Variants in FUT8 observed in about 807,000 individuals in gnomAD.
FUT8 encodes fucosyltransferase 8.
Under a neutral mutation model 71.3 loss-of-function variants are expected in FUT8, and 29 were observed. That is an observed-to-expected ratio of 0.41 (90% CI 0.30 to 0.55). The LOEUF is 0.55. FUT8 is among the 20% of genes least tolerant of loss of function. The pLI, the probability that FUT8 is intolerant of heterozygous loss-of-function variation, is 0.34. For missense variants in FUT8, 544 were observed against 702.1 expected (o/e 0.77, Z 2.55); for synonymous variants, 254 against 239.3 (o/e 1.06, Z -0.57).
At chr14:65,454,850 T>A (rs755555679) in intron 1 of FUT8, among the ~76,000 whole-genome samples, 14 of 152,186 alleles carry the variant, frequency 9.2e-5, no homozygotes, top group Non-Finnish European at 1.6e-4. Flanking sequence ...GATTACTGTG[T>A]GCCAAACATG....
intron 9 of FUT8, among the ~76,000 whole-genome samples, chr14:65,727,552 T>G (rs751483291): frequency 1.3e-5 from 2 of 152,138 alleles, no homozygotes; most frequent in Non-Finnish European, 2.9e-5. Context: ...GTCCCTAGAC[T>G]GAACACAGCA....
chr14:65,704,196 C>T (rs1894448859), intron 7 of FUT8, among the ~76,000 whole-genome samples: 1 of 152,136 alleles, frequency 6.6e-6, no homozygotes, highest in Admixed American at 6.6e-5. Context: ...GTAAAATTCA[C>T]CCAGAGCAAA....
chr14:65,672,905 C>G (rs559796232), intron 7 of FUT8, among the ~76,000 whole-genome samples: 1 of 152,158 alleles, frequency 6.6e-6, no homozygotes, highest in Non-Finnish European at 1.5e-5. Context: ...AAATTCAGTT[C>G]CCCACTTCAA....
At chr14:65,423,680 A>G (rs2065336780) in intron 1 of FUT8, among the ~76,000 whole-genome samples, 1 of 152,194 alleles carries the variant, frequency 6.6e-6, no homozygotes, top group Non-Finnish European at 1.5e-5. Flanking sequence ...AAAATTATCA[A>G]GCCATCCGTG....
In FUT8 at chr14:65,430,785, G is replaced by A. The variant is rs536358403; in HGVS notation, c.-326+17571G>A. The stretch of plus-strand genomic sequence containing the variant: ...GGTAATTTACAATGGAAAAGTAGAC[G>A]TACAGAACATCATTAGATGGGATAT... On this transcript the variant is annotated intron_variant, in intron 1 of 10. Coordinates refer to ENST00000673929, the MANE Select transcript of FUT8 (RefSeq NM_001371533.1). Among the ~76,000 whole-genome samples the A allele has an allele frequency of 5.5e-4, 84 of 152,142 alleles. 3 individuals carry two copies. In the South Asian group the frequency reaches 0.017, roughly 30 times the overall value.
At chr14:65,543,246 G>T (rs112317050) in intron 2 of FUT8, among the ~76,000 whole-genome samples, 20 of 152,210 alleles carry the variant, frequency 1.3e-4, no homozygotes, top group African/African-American at 4.8e-4. Context: ...TTTTATGCAC[G>T]TAAATATAAA....
intron 6 of FUT8, among the ~76,000 whole-genome samples, chr14:65,650,481 A>AAG (rs1289272567): frequency 1.3e-5 from 2 of 151,786 alleles, no homozygotes; most frequent in Non-Finnish European, 2.9e-5. Context: ...GAGCAGGAGC[A>AAG]AGAGAGAGAG....
At chr14:65,464,104 G>GT (rs1024355612) in intron 2 of FUT8, among the ~76,000 whole-genome samples, 1 of 152,090 alleles carries the variant, frequency 6.6e-6, no homozygotes, top group African/African-American at 2.4e-5. Context: ...TTTAATTGGA[G>GT]TTTTTTTAAA....
rs2066369925 is a variant in FUT8, at chr14:65,483,922, T to C, written c.-228+28204T>C. Among the ~76,000 whole-genome samples, 1 of 152,168 alleles carries C rather than the reference T, an allele frequency of 6.6e-6. No homozygotes were observed. Among genetic ancestry groups the C allele is most frequent in the South Asian group, 2.1e-4 (1 of 4,824 alleles). ...TTTGTATTTTTAATAGGGATGGGAT[T>C]TCACCATCTTGGCCAGGCTGGTCTC... is the stretch of plus-strand genomic sequence containing the variant. On this transcript the variant is annotated intron_variant, in intron 2 of 10. Coordinates refer to ENST00000673929, the MANE Select transcript of FUT8 (RefSeq NM_001371533.1). This position sits in a 1 kb window ranked among gnomAD's most constrained non-coding sequence, Gnocchi z 4.4.
chr14:65,733,300 A>G lies in FUT8; in HGVS notation c.1329A>G (p.Thr443=). The G allele has an allele frequency of 1.9e-6, 3 of 1,609,996 alleles. No homozygotes were observed. Among genetic ancestry groups the G allele is most frequent in the Middle Eastern group, 3.3e-4 (2 of 6,048 alleles). Reference sequence around the variant, plus strand: ...CAGCTGGACTGCACAATCGATACACAGAAAATTCACTTCGTGGAGTGATCC... The same window carrying G: ...CAGCTGGACTGCACAATCGATACACGGAAAATTCACTTCGTGGAGTGATCC... The part of the protein sequence containing the change: ...SWSAGLHNRY[T]ENSLRGVILD... Residue 443 remains threonine (T), a synonymous_variant, in exon 10 of 11, where the codon ACA becomes ACG. Transcript: ENST00000673929.
chr14:65,575,799 T>C (rs1371912620), intron 3 of FUT8, among the ~76,000 whole-genome samples: 1 of 152,102 alleles, frequency 6.6e-6, no homozygotes, highest in Non-Finnish European at 1.5e-5. Context: ...TTTGTATTTT[T>C]AGTAAAGACG....
At chr14:65,481,412 C>G (rs1468150232) in intron 2 of FUT8, among the ~76,000 whole-genome samples, 1 of 151,460 alleles carries the variant, frequency 6.6e-6, no homozygotes. Context: ...GATCGATTTC[C>G]TTATAGTTTG....
intron 10 of FUT8, among the ~76,000 whole-genome samples, chr14:65,734,619 A>G (rs1454845423): frequency 6.6e-6 from 1 of 152,170 alleles, no homozygotes; most frequent in Non-Finnish European, 1.5e-5. Context: ...TTCTTATTGC[A>G]AGAAAGGGGC....
At chr14:65,390,552 G>C in the FUT8 span, among the ~76,000 whole-genome samples, 2 of 151,306 alleles carry the variant, frequency 1.3e-5, no homozygotes, top group Admixed American at 1.3e-4. Flanking sequence ...TTTTTTCAAT[G>C]AAGTAATTCA....
At chr14:65,508,431 T>C (rs1298617878) in intron 2 of FUT8, among the ~76,000 whole-genome samples, 1 of 151,300 alleles carries the variant, frequency 6.6e-6, no homozygotes, top group Non-Finnish European at 1.5e-5. Context: ...AAAATGTCTG[T>C]TCAGAACTTT....
chr14:65,556,575 A>C (rs1213663708), intron 2 of FUT8, among the ~76,000 whole-genome samples: 1 of 152,160 alleles, frequency 6.6e-6, no homozygotes, highest in African/African-American at 2.4e-5. Flanking sequence ...TTATCTTGGA[A>C]ATGAAATTCT....
intron 6 of FUT8, among the ~76,000 whole-genome samples, chr14:65,631,610 TC>T (rs1167178816): frequency 6.7e-6 from 1 of 149,658 alleles, no homozygotes; most frequent in Non-Finnish European, 1.5e-5. Context: ...TTCATGCTTT[TC>T]CTTTTTCCCC....
chr14:65,605,852 C>T (rs1340934366), intron 3 of FUT8, among the ~76,000 whole-genome samples: 1 of 151,798 alleles, frequency 6.6e-6, no homozygotes, highest in Non-Finnish European at 1.5e-5. Context: ...ACCAAAAATG[C>T]TGATCATTTC....
At chr14:65,586,820 T>C (rs924712783) in intron 3 of FUT8, among the ~76,000 whole-genome samples, 1 of 152,222 alleles carries the variant, frequency 6.6e-6, no homozygotes, top group Admixed American at 6.5e-5. Flanking sequence ...CCTCTAATTT[T>C]GTAAAAGCTT....
Sources: allele counts gnomAD v4.1 joint callset (sites outside exome capture counted in the v4.1 genomes callset), GRCh38; gene constraint gnomAD v4.1.1; non-coding constraint Gnocchi (gnomAD v3.1); transcripts MANE v1.5; gene names NCBI Gene and HGNC (gene_info 2026-07-23, HGNC 2026-07-21).